The following PPP1R16B variants were observed in gnomAD, a reference collection of about 807,000 sequenced individuals.
PPP1R16B encodes the protein protein phosphatase 1 regulatory subunit 16B, also known as protein phosphatase 1 regulatory inhibitor subunit 16B.
In PPP1R16B, 14 loss-of-function variants were observed where a neutral mutation model predicts 61.7. The observed-to-expected ratio is 0.23, with a 90% CI of 0.15 to 0.35. The LOEUF is 0.35. PPP1R16B is among the 10% of genes least tolerant of loss of function. PPP1R16B has a pLI of 1.00. For missense variants in PPP1R16B, 547 were observed against 752.5 expected (o/e 0.73, Z 3.19); for synonymous variants, 266 against 305.3 (o/e 0.87, Z 1.34).
At chr20:38,837,182 C>T (rs2145720817) in intron 2 of PPP1R16B, among the ~76,000 whole-genome samples, 1 of 152,296 alleles carries the variant, frequency 6.6e-6, no homozygotes, top group South Asian at 2.1e-4. Flanking sequence ...TTTCTCAGTT[C>T]CCTACGTGAG....
intron 2 of PPP1R16B, among the ~76,000 whole-genome samples, chr20:38,855,931 TATATATATATATAGAGAG>T (rs1299043819): frequency 1.9e-5 from 1 of 52,716 alleles, no homozygotes; most frequent in Non-Finnish European, 3.3e-5. Flanking sequence ...TATATATATA[TATATATATATATAGAGAG>T]AGAGAGAGAG....
chr20:38,876,272 C>T (rs1353215839), intron 2 of PPP1R16B, among the ~76,000 whole-genome samples: 1 of 152,118 alleles, frequency 6.6e-6, no homozygotes, highest in Non-Finnish European at 1.5e-5. Flanking sequence ...CACTCTCAGC[C>T]ATTGAACATA....
chr20:38,896,958 C>A (rs552568783), intron 4 of PPP1R16B, among the ~76,000 whole-genome samples: 9 of 152,134 alleles, frequency 5.9e-5, no homozygotes, highest in Non-Finnish European at 1.5e-5. Flanking sequence ...ACCAGCCTGA[C>A]CAACATGGTG....
intron 2 of PPP1R16B, among the ~76,000 whole-genome samples, chr20:38,854,561 C>T (rs1601258512): frequency 6.6e-6 from 1 of 152,288 alleles, no homozygotes; most frequent in South Asian, 2.1e-4. Flanking sequence ...CAGTGGAAAG[C>T]TTGGGAAGCT....
chr20:38,901,210 C>T (rs2085391719), intron 5 of PPP1R16B, among the ~76,000 whole-genome samples: 1 of 152,144 alleles, frequency 6.6e-6, no homozygotes, highest in Non-Finnish European at 1.5e-5. Context: ...AGCGCCACCT[C>T]CTTGGAAATA....
intron 2 of PPP1R16B, among the ~76,000 whole-genome samples, chr20:38,873,787 G>A (rs2085147382): frequency 6.7e-6 from 1 of 149,622 alleles, no homozygotes; most frequent in Non-Finnish European, 1.5e-5. Context: ...TGCCCAGGCT[G>A]GCGTGATCTC....
intron 2 of PPP1R16B, among the ~76,000 whole-genome samples, chr20:38,860,264 G>A (rs566070376): frequency 8.7e-5 from 13 of 149,832 alleles, no homozygotes; most frequent in East Asian, 2.0e-4. Flanking sequence ...CACCATGCCC[G>A]GCTAATTTTG....
intron 1 of PPP1R16B, among the ~76,000 whole-genome samples, chr20:38,812,137 G>C (rs1568650020): frequency 6.6e-6 from 1 of 152,218 alleles, no homozygotes; most frequent in Non-Finnish European, 1.5e-5. Flanking sequence ...TCAGGCCAAA[G>C]ACATTCAGAC....
chr20:38,848,201 C>T (rs1286359978), intron 2 of PPP1R16B, among the ~76,000 whole-genome samples: 1 of 152,160 alleles, frequency 6.6e-6, no homozygotes, highest in Non-Finnish European at 1.5e-5. Context: ...AATGTTTCCT[C>T]ATCTAGTGAT....
chr20:38,882,234 T>A (rs116217518), intron 2 of PPP1R16B, among the ~76,000 whole-genome samples: 1 of 152,126 alleles, frequency 6.6e-6, no homozygotes, highest in South Asian at 2.1e-4. Context: ...TTGAGTCCCC[T>A]GTATCCAGCC....
At chr20:38,836,240 A>C in intron 2 of PPP1R16B, 65 bp downstream of exon 2, 1 of 1,556,710 alleles carries the variant, frequency 6.4e-7, no homozygotes, top group Non-Finnish European at 8.7e-7. Context: ...TTTGGAATCC[A>C]GGTTCTGTGC....
chr20:38,914,856 T>A (rs2085520722), intron 10 of PPP1R16B, among the ~76,000 whole-genome samples: 1 of 152,166 alleles, frequency 6.6e-6, no homozygotes, highest in African/African-American at 2.4e-5. Flanking sequence ...TGGGTAGTGA[T>A]GAGGTCTCAC....
intron 2 of PPP1R16B, among the ~76,000 whole-genome samples, chr20:38,887,353 A>G (rs2085253459): frequency 6.6e-6 from 1 of 152,182 alleles, no homozygotes; most frequent in Admixed American, 6.5e-5. Flanking sequence ...CTTATAAACC[A>G]TGATGTGGAT....
rs192137845 is a variant in PPP1R16B at position 38,820,771 on chromosome 20, G to A, written c.-102+14979G>A. Among the ~76,000 whole-genome samples the A allele has an allele frequency of 4.7e-4, 72 of 152,078 alleles. No homozygotes were observed. In the Middle Eastern group the frequency reaches 0.014, roughly 29 times the overall value. On this transcript the variant is annotated intron_variant, in intron 1 of 10. Coordinates refer to ENST00000299824, the MANE Select transcript of PPP1R16B (RefSeq NM_015568.4). ...ATTTGAGCCAGGTGCGGTGGCTCAC[G>A]CCTGTAATCCCAGCATTTTGGGAGG...
intron 10 of PPP1R16B, among the ~76,000 whole-genome samples, chr20:38,914,800 T>C (rs2085520176): frequency 6.6e-6 from 1 of 152,142 alleles, no homozygotes; most frequent in Admixed American, 6.6e-5. Flanking sequence ...CCCATGTAGC[T>C]GAGCCACAGG....
At chr20:38,823,932 A>G (rs1250930321) in intron 1 of PPP1R16B, among the ~76,000 whole-genome samples, 1 of 147,768 alleles carries the variant, frequency 6.8e-6, no homozygotes, top group African/African-American at 2.5e-5. Context: ...TTTTTTTTTT[A>G]TTTTTAAGGA....
chr20:38,831,797 C>T (rs1465817952), intron 1 of PPP1R16B, among the ~76,000 whole-genome samples: 5 of 152,348 alleles, frequency 3.3e-5, no homozygotes, highest in East Asian at 3.9e-4. Flanking sequence ...GTGTGGACTT[C>T]GACCAAACTA....
chr20:38,841,438 G>A (rs554528236), intron 2 of PPP1R16B, among the ~76,000 whole-genome samples: 41 of 151,534 alleles, frequency 2.7e-4, no homozygotes, highest in Middle Eastern at 3.5e-3. Flanking sequence ...TTAGGCAGGA[G>A]GATCGCTTGA....
intron 2 of PPP1R16B, 118 bp downstream of exon 2, chr20:38,836,293 G>T (rs1400774598): frequency 3.6e-6 from 5 of 1,401,466 alleles, no homozygotes; most frequent in Non-Finnish European, 4.8e-6. Flanking sequence ...CCACTTCCAA[G>T]TTCCAGCAGC....
Sources: allele counts gnomAD v4.1 joint callset (sites outside exome capture counted in the v4.1 genomes callset), GRCh38; gene constraint gnomAD v4.1.1; transcripts MANE v1.5; gene names NCBI Gene and HGNC (gene_info 2026-07-23, HGNC 2026-07-21).